RERE: variants seen among roughly 807,000 people sequenced by gnomAD.
RERE encodes arginine-glutamic acid dipeptide repeats, also known as arginine-glutamic acid dipeptide repeats protein.
A neutral mutation model predicts 146.1 loss-of-function variants in RERE; 40 were observed. The ratio of observed to expected loss-of-function variants is 0.27; its 90% CI spans 0.21 to 0.36. RERE has a LOEUF of 0.36. Ranked by LOEUF, RERE falls within the 10% of genes least tolerant of loss-of-function variation. RERE has a pLI of 1.00. For missense variants in RERE, 1,933 were observed against 2,138.7 expected (o/e 0.90, Z 1.90); for synonymous variants, 1,003 against 866.0 (o/e 1.16, Z -2.78).
At chr1:8,374,039 AG>A (rs1350489742) in intron 12 of RERE, among the ~76,000 whole-genome samples, 1 of 152,248 alleles carries the variant, frequency 6.6e-6, no homozygotes, top group Non-Finnish European at 1.5e-5. Context: ...CTCTGAGTGC[AG>A]CAGGGAGAAT....
At chr1:8,685,224 C>G (rs966567726) in intron 1 of RERE, among the ~76,000 whole-genome samples, 3 of 152,184 alleles carry the variant, frequency 2.0e-5, no homozygotes, top group Non-Finnish European at 2.9e-5. Context: ...TACACATTTC[C>G]TGATTCAACA....
intron 11 of RERE, among the ~76,000 whole-genome samples, chr1:8,460,343 TGTAA>T: frequency 6.6e-6 from 1 of 152,350 alleles, no homozygotes; most frequent in Middle Eastern, 3.4e-3. Flanking sequence ...GTGTATTCTG[TGTAA>T]GTAATTCCTT....
At chr1:8,382,560 A>G (rs897397240) in intron 12 of RERE, among the ~76,000 whole-genome samples, 1 of 152,210 alleles carries the variant, frequency 6.6e-6, no homozygotes, top group Non-Finnish European at 1.5e-5. Flanking sequence ...GTGACTATTA[A>G]TATTTTCTCA....
intron 1 of RERE, among the ~76,000 whole-genome samples, chr1:8,763,669 G>A (rs1255132182): frequency 5.3e-5 from 8 of 151,422 alleles, no homozygotes; most frequent in Non-Finnish European, 8.8e-5. Flanking sequence ...GACCGGGCAC[G>A]GTGGCTCATG....
chr1:8,622,496 A>C (rs996366578), intron 3 of RERE, among the ~76,000 whole-genome samples: 8 of 132,052 alleles, frequency 6.1e-5, no homozygotes, highest in African/African-American at 2.1e-4. Flanking sequence ...TAAAAAAAAA[A>C]AAAAAAAAAA....
At chr1:8,402,827 A>C (rs753498922) in intron 12 of RERE, among the ~76,000 whole-genome samples, 4 of 152,174 alleles carry the variant, frequency 2.6e-5, no homozygotes, top group African/African-American at 7.2e-5. Context: ...ATTAAATATC[A>C]GGTATATTCA....
At chr1:8,770,848 G>A (rs190373099) in intron 1 of RERE, among the ~76,000 whole-genome samples, 2 of 152,130 alleles carry the variant, frequency 1.3e-5, no homozygotes, top group Admixed American at 6.5e-5. Flanking sequence ...CTGCAGCATC[G>A]TTCATAATAG....
At chr1:8,531,053 CTATCTAT>C in intron 7 of RERE, among the ~76,000 whole-genome samples, 1 of 150,600 alleles carries the variant, frequency 6.6e-6, no homozygotes, top group Non-Finnish European at 1.5e-5. Flanking sequence ...ATCTATCTAT[CTATCTAT>C]CTATCTATCT....
At chr1:8,645,810 C>T (rs1219773010) in intron 2 of RERE, among the ~76,000 whole-genome samples, 2 of 152,156 alleles carry the variant, frequency 1.3e-5, no homozygotes, top group Non-Finnish European at 2.9e-5. Context: ...TCTATCCTCA[C>T]GAAGTAATAA....
At chr1:8,587,062 G>T (rs998814094) in intron 4 of RERE, among the ~76,000 whole-genome samples, 1 of 152,122 alleles carries the variant, frequency 6.6e-6, no homozygotes, top group African/African-American at 2.4e-5. Context: ...GATAGAACAA[G>T]CCCCTTCCCA....
At chr1:8,412,680 G>A (rs992130722) in intron 12 of RERE, among the ~76,000 whole-genome samples, 1 of 152,190 alleles carries the variant, frequency 6.6e-6, no homozygotes, top group Non-Finnish European at 1.5e-5. Context: ...AAATAATCTA[G>A]AACACAGAAC....
chr1:8,727,608 C>G (rs1011555608), intron 1 of RERE, among the ~76,000 whole-genome samples: 9 of 152,192 alleles, frequency 5.9e-5, no homozygotes, highest in African/African-American at 1.7e-4. Context: ...ATTCTCCTGC[C>G]TCCGCCTCCC....
intron 8 of RERE, among the ~76,000 whole-genome samples, chr1:8,504,180 T>C (rs1203425334): frequency 6.6e-6 from 1 of 152,168 alleles, no homozygotes; most frequent in East Asian, 1.9e-4. Context: ...CAGCACCCAG[T>C]ATGTAAATAC....
intron 11 of RERE, among the ~76,000 whole-genome samples, chr1:8,445,478 C>G (rs1644304732): frequency 6.6e-6 from 1 of 152,236 alleles, no homozygotes; most frequent in Non-Finnish European, 1.5e-5. Flanking sequence ...CCACACCACA[C>G]CCAAGCATCT....
chr1:8,499,440 G>A (rs1645099244), intron 8 of RERE, among the ~76,000 whole-genome samples: 1 of 152,216 alleles, frequency 6.6e-6, no homozygotes. Flanking sequence ...GAGTGAAGTG[G>A]ACCACGGGGA....
intron 1 of RERE, among the ~76,000 whole-genome samples, chr1:8,700,603 T>C (rs1007359421): frequency 5.3e-5 from 8 of 152,308 alleles, no homozygotes; most frequent in African/African-American, 1.9e-4. Context: ...TGTTGGTCAA[T>C]GGGTTGCTCA....
At chr1:8,371,598 C>T (rs1252702401) in intron 12 of RERE, among the ~76,000 whole-genome samples, 2 of 152,188 alleles carry the variant, frequency 1.3e-5, no homozygotes, top group Non-Finnish European at 2.9e-5. Flanking sequence ...GCCTGCTGGG[C>T]TCAGGCCACT....
chr1:8,763,034 G>A (rs78570027), intron 1 of RERE, among the ~76,000 whole-genome samples: 4,614 of 152,130 alleles, frequency 0.03, 87 homozygotes, highest in Middle Eastern at 0.082. Flanking sequence ...GCTTAAAAAA[G>A]AAAACAGTGA....
intron 4 of RERE, among the ~76,000 whole-genome samples, chr1:8,571,406 CA>C (rs1433978190): frequency 2.6e-5 from 4 of 152,122 alleles, no homozygotes; most frequent in Non-Finnish European, 5.9e-5. Flanking sequence ...TTTTTAGCAA[CA>C]CAAATATTTG....
Sources: gnomAD v4.1 joint callset for allele counts (sites outside exome capture counted in the v4.1 genomes callset) on GRCh38, gnomAD v4.1.1 for gene constraint, MANE v1.5 for transcripts, NCBI Gene and HGNC (gene_info 2026-07-23, HGNC 2026-07-21) for gene names.